Variants in AHCTF1 observed in about 807,000 individuals in gnomAD.
The protein encoded by AHCTF1 is AT-hook containing transcription factor 1, also known as protein ELYS.
Under a neutral mutation model 248.4 loss-of-function variants are expected in AHCTF1, and 24 were observed. That is an observed-to-expected ratio of 0.10 (90% CI 0.07 to 0.14). The LOEUF is 0.14. AHCTF1 is among the 10% of genes least tolerant of loss of function. The pLI is 1.00. For synonymous variants in AHCTF1, 786 were observed against 929.8 expected, an observed-to-expected ratio of 0.85 and a Z score of 2.81; for missense variants, 2,206 against 2,636.2, an observed-to-expected ratio of 0.84 and a Z score of 3.57.
intron 24 of AHCTF1, 89 bp downstream of exon 24, chr1:246,875,948 T>C: frequency 7.9e-7 from 1 of 1,273,378 alleles, no homozygotes; most frequent in South Asian, 1.6e-5. Flanking sequence ...TTAGCGAAAG[T>C]AGCTAAATTT....
At chr1:246,927,271 C>T (rs1667002393) in intron 1 of AHCTF1, among the ~76,000 whole-genome samples, 1 of 152,076 alleles carries the variant, frequency 6.6e-6, no homozygotes, top group Non-Finnish European at 1.5e-5. Flanking sequence ...TGGCTGAGGT[C>T]AGGAGTTGGT....
intron 21 of AHCTF1, among the ~76,000 whole-genome samples, chr1:246,880,014 TTTTA>T (rs1444956907): frequency 6.6e-6 from 1 of 152,058 alleles, no homozygotes; most frequent in Non-Finnish European, 1.5e-5. Flanking sequence ...GGTATGCTGT[TTTTA>T]TTTGTTAAAA....
intron 33 of AHCTF1, among the ~76,000 whole-genome samples, chr1:246,846,546 G>A (rs922711985): frequency 6.6e-6 from 1 of 151,964 alleles, no homozygotes; most frequent in African/African-American, 2.4e-5. Context: ...TCAATCCCAA[G>A]TTTCTTATCC....
chr1:246,861,440 T>G, intron 28 of AHCTF1, 145 bp from the exon 29 acceptor site: 1 of 806,974 alleles, frequency 1.2e-6, no homozygotes, highest in Non-Finnish European at 1.9e-6. Flanking sequence ...TTATTCTAAA[T>G]CCATTCTCTT....
intron 21 of AHCTF1, among the ~76,000 whole-genome samples, chr1:246,883,378 T>C (rs961554812): frequency 1.3e-5 from 2 of 152,210 alleles, no homozygotes; most frequent in African/African-American, 4.8e-5. Flanking sequence ...TAGGTGATTA[T>C]GTATGACCGC....
chr1:246,879,877 C>T (rs980835231), intron 21 of AHCTF1, among the ~76,000 whole-genome samples: 1 of 151,960 alleles, frequency 6.6e-6, no homozygotes, highest in African/African-American at 2.4e-5. Flanking sequence ...TAAAATGGTA[C>T]AGCCATCCAA....
At chr1:246,920,321 G>T (rs985820864) in intron 1 of AHCTF1, among the ~76,000 whole-genome samples, 1 of 151,850 alleles carries the variant, frequency 6.6e-6, no homozygotes. Flanking sequence ...AGCTTGATAA[G>T]AAACTGTAAA....
chr1:246,883,439 T>G (rs1663601305), intron 21 of AHCTF1, among the ~76,000 whole-genome samples: 1 of 152,238 alleles, frequency 6.6e-6, no homozygotes, highest in African/African-American at 2.4e-5. Flanking sequence ...GTAAATCAGC[T>G]TGTTTTCTTG....
chr1:246,863,881 G>C, intron 27 of AHCTF1, 43 bp downstream of exon 27: 1 of 1,576,566 alleles, frequency 6.3e-7, no homozygotes, highest in Admixed American at 1.7e-5. Context: ...AAAAGTAAGA[G>C]CCATCTAGTT....
In AHCTF1 at chr1:246,931,404, C is replaced by T. The variant is rs1667349668; in HGVS notation, c.-8+174G>A. 4.2e-5 allele frequency: 63 copies of T among 1,496,910 alleles called. No individual in the cohort carries two copies. In the South Asian group the frequency reaches 6.4e-4, roughly 15 times the overall value. 92.7% of individuals were successfully genotyped at this position (1,496,910 alleles called of 1,614,324 possible). ...AGCCTGCCGTACCCGCCACCGCCAC[C>T]GCTCGCCCCCTCGAGCCCCATCCGT... On this transcript the variant is annotated intron_variant, in intron 1 of 35. Coordinates refer to ENST00000648844, the MANE Select transcript of AHCTF1 (RefSeq NM_001323342.2).
chr1:246,924,016 G>C (rs926882735), intron 1 of AHCTF1, among the ~76,000 whole-genome samples: 2 of 152,182 alleles, frequency 1.3e-5, no homozygotes, highest in African/African-American at 4.8e-5. Context: ...TGGCAAAAGA[G>C]AGATCCGAGG....
chr1:246,857,539 C>CA, intron 30 of AHCTF1, 152 bp downstream of exon 30: 1 of 830,466 alleles, frequency 1.2e-6, no homozygotes, highest in Non-Finnish European at 1.8e-6. Flanking sequence ...TATAACTGCA[C>CA]AACTAAACTT....
intron 28 of AHCTF1, 133 bp from the exon 29 acceptor site, chr1:246,861,428 A>C: frequency 1.2e-6 from 1 of 868,150 alleles, no homozygotes; most frequent in Admixed American, 2.9e-5. Flanking sequence ...ATAAAAATTC[A>C]TTTATTCTAA....
chr1:246,876,720 G>A (rs1413828100), intron 23 of AHCTF1, among the ~76,000 whole-genome samples: 1 of 152,124 alleles, frequency 6.6e-6, no homozygotes, highest in Non-Finnish European at 1.5e-5. Context: ...TTCCCTGAGT[G>A]AAATGGCAAT....
chr1:246,885,402 G>C, intron 21 of AHCTF1, 91 bp downstream of exon 21: 1 of 1,091,580 alleles, frequency 9.2e-7, no homozygotes, highest in Non-Finnish European at 1.3e-6. Flanking sequence ...CTGACTTAAC[G>C]GCCAATTGTA....
At chr1:246,847,858 C>T (rs796973168) in intron 33 of AHCTF1, among the ~76,000 whole-genome samples, 4 of 152,282 alleles carry the variant, frequency 2.6e-5, no homozygotes, top group African/African-American at 7.2e-5. Flanking sequence ...CTATATTCCT[C>T]CAGGTCCTGA....
intron 14 of AHCTF1, 129 bp from the exon 15 acceptor site, chr1:246,892,048 C>T (rs1410773954): frequency 8.9e-6 from 10 of 1,118,396 alleles, no homozygotes; most frequent in Non-Finnish European, 1.2e-5. Flanking sequence ...TTTATAAAGA[C>T]AAGCTAGAAA....
chr1:246,859,862 T>A (rs1395848708), intron 29 of AHCTF1, among the ~76,000 whole-genome samples: 1 of 152,100 alleles, frequency 6.6e-6, no homozygotes, highest in Non-Finnish European at 1.5e-5. Context: ...CCTGAACATT[T>A]ATTTTCATTG....
chr1:246,868,320 C>T (rs1196572028), intron 24 of AHCTF1, among the ~76,000 whole-genome samples: 1 of 151,882 alleles, frequency 6.6e-6, no homozygotes, highest in Non-Finnish European at 1.5e-5. Context: ...AGGGTTTCAC[C>T]ATGTTGGCCA....
Sources: allele counts gnomAD v4.1 joint callset (sites outside exome capture counted in the v4.1 genomes callset), GRCh38; gene constraint gnomAD v4.1.1; transcripts MANE v1.5; gene names NCBI Gene and HGNC (gene_info 2026-07-23, HGNC 2026-07-21).